Variants in CAV1 observed in about 807,000 individuals in gnomAD.
The protein encoded by CAV1 is caveolin 1.
In CAV1, 10 loss-of-function variants were observed where a neutral mutation model predicts 16.5. That is an observed-to-expected ratio of 0.61 (90% CI 0.37 to 1.03). CAV1 has a LOEUF of 1.03. Ranked by LOEUF, CAV1 falls within the 50% of genes least tolerant of loss-of-function variation. The pLI is 0.01. For missense variants in CAV1, 212 were observed against 232.8 expected, an observed-to-expected ratio of 0.91 and a Z score of 0.58; for synonymous variants, 76 against 85.1, an observed-to-expected ratio of 0.89 and a Z score of 0.59.
At chr7:116,534,397 T>TA (rs1793764146) in intron 2 of CAV1, among the ~76,000 whole-genome samples, 2 of 10,842 alleles carry the variant, frequency 1.8e-4, no homozygotes, top group Non-Finnish European at 3.6e-4. Context: ...ATATATATAT[T>TA]TTTTTTTTTT....
intron 1 of CAV1, chr7:116,525,363 C>G: frequency 6.5e-7 from 1 of 1,537,534 alleles, no homozygotes; most frequent in South Asian, 1.2e-5. Context: ...GAGATTGGGT[C>G]TGTTGGGCCC....
intron 2 of CAV1, among the ~76,000 whole-genome samples, chr7:116,538,105 G>A (rs1335113327): frequency 1.3e-5 from 2 of 152,184 alleles, no homozygotes; most frequent in African/African-American, 4.8e-5. Context: ...GCACTAAACA[G>A]CTCCTTATAA....
upstream of CAV1, chr7:116,525,019 C>T: frequency 6.2e-7 from 1 of 1,611,504 alleles, no homozygotes; most frequent in Non-Finnish European, 8.5e-7. Context: ...TAAAGCACAG[C>T]CCAGGGAAAC....
chr7:116,534,941 C>T (rs1365003994), intron 2 of CAV1, among the ~76,000 whole-genome samples: 1 of 152,164 alleles, frequency 6.6e-6, no homozygotes, highest in African/African-American at 2.4e-5. Context: ...CCATTTAAAA[C>T]CCTGCCAGAG....
intron 2 of CAV1, among the ~76,000 whole-genome samples, chr7:116,532,693 T>A (rs1258610492): frequency 1.3e-5 from 2 of 152,202 alleles, no homozygotes; most frequent in Non-Finnish European, 2.9e-5. Context: ...AGAGGCAACC[T>A]GTTGTAGTGC....
chr7:116,560,814 T>C lies in CAV1; in HGVS notation c.*1527T>C. ...GCCTCTTCCAGTCTTCCTGACACTT[T>C]AATTACCAACCTGTTACCTACTTTG... On this transcript the variant is annotated 3_prime_UTR_variant, in exon 3 of 3. Transcript: ENST00000341049. 6.5e-6 allele frequency: 1 copy of C among 152,770 alleles called. No homozygotes were observed. The highest frequency in any genetic ancestry group is 2.4e-5 in the African/African-American group (1 of 41,566). 9.5% of individuals were successfully genotyped at this position (152,770 alleles called of 1,614,324 possible).
At chr7:116,532,512 A>G (rs986371339) in intron 2 of CAV1, among the ~76,000 whole-genome samples, 1 of 152,218 alleles carries the variant, frequency 6.6e-6, no homozygotes, top group African/African-American at 2.4e-5. Context: ...GGTTTATTCC[A>G]AGATACACAC....
chr7:116,541,974 A>T (rs1486573373), intron 2 of CAV1, among the ~76,000 whole-genome samples: 2 of 152,204 alleles, frequency 1.3e-5, no homozygotes, highest in Non-Finnish European at 2.9e-5. Flanking sequence ...AAACATAGAC[A>T]TACATATGAA....
chr7:116,536,362 C>T (rs1793815937), intron 2 of CAV1, among the ~76,000 whole-genome samples: 1 of 152,130 alleles, frequency 6.6e-6, no homozygotes, highest in African/African-American at 2.4e-5. Flanking sequence ...AAATTATAAC[C>T]CTTGTCTCTG....
At chr7:116,526,915 G>A in intron 2 of CAV1, 2 of 587,696 alleles carry the variant, frequency 3.4e-6, no homozygotes, top group Non-Finnish European at 6.1e-6. Context: ...TAGTTCAGCT[G>A]AAATTCAGCT....
intron 2 of CAV1, among the ~76,000 whole-genome samples, chr7:116,556,760 G>C (rs936036744): frequency 2.1e-5 from 3 of 143,680 alleles, no homozygotes; most frequent in Admixed American, 7.2e-5. Context: ...TTTAATAAAG[G>C]TGATGGATCA....
intron 2 of CAV1, among the ~76,000 whole-genome samples, chr7:116,554,423 G>A (rs1450360797): frequency 1.3e-5 from 2 of 152,158 alleles, no homozygotes; most frequent in African/African-American, 2.4e-5. Context: ...GAGACCTAGA[G>A]ATATGAATGG....
chr7:116,544,570 G>A (rs1794003672), intron 2 of CAV1, among the ~76,000 whole-genome samples: 1 of 152,144 alleles, frequency 6.6e-6, no homozygotes, highest in Non-Finnish European at 1.5e-5. Flanking sequence ...AGAAGTCATT[G>A]AAGAAAAAAC....
chr7:116,537,548 AG>A (rs1336606403), intron 2 of CAV1, among the ~76,000 whole-genome samples: 2 of 152,216 alleles, frequency 1.3e-5, no homozygotes, highest in African/African-American at 4.8e-5. Context: ...TGGTAGAGTC[AG>A]GGTTTGAACC....
intron 2 of CAV1, among the ~76,000 whole-genome samples, chr7:116,554,465 T>G (rs566409970): frequency 1.3e-5 from 2 of 152,178 alleles, no homozygotes; most frequent in African/African-American, 4.8e-5. Context: ...AGGAGAATGA[T>G]GTAACTTCCT....
chr7:116,548,137 G>A (rs1794090966), intron 2 of CAV1, among the ~76,000 whole-genome samples: 1 of 152,180 alleles, frequency 6.6e-6, no homozygotes, highest in Admixed American at 6.5e-5. Flanking sequence ...ATCAAAATGA[G>A]GGGATGAGGT....
intron 2 of CAV1, among the ~76,000 whole-genome samples, chr7:116,557,372 A>G (rs1794312371): frequency 6.6e-6 from 1 of 152,134 alleles, no homozygotes; most frequent in African/African-American, 2.4e-5. Context: ...GGCAGTCCTC[A>G]TTCCCTAATC....
chr7:116,550,328 C>G (rs3801993), intron 2 of CAV1, among the ~76,000 whole-genome samples: 11,051 of 152,210 alleles, frequency 0.073, 660 homozygotes, highest in East Asian at 0.21. Flanking sequence ...AGGGAACCAA[C>G]GTCGAAGCCC....
intron 2 of CAV1, among the ~76,000 whole-genome samples, chr7:116,527,191 T>C (rs910462990): frequency 3.9e-5 from 6 of 152,216 alleles, no homozygotes; most frequent in African/African-American, 1.4e-4. Flanking sequence ...TTCTTAAAAA[T>C]ACTACAGTGG....
Sources: gnomAD v4.1 joint callset for allele counts (sites outside exome capture counted in the v4.1 genomes callset) on GRCh38, gnomAD v4.1.1 for gene constraint, MANE v1.5 for transcripts, NCBI Gene and HGNC (gene_info 2026-07-23, HGNC 2026-07-21) for gene names.